The following ADIPOR2 variants were observed in gnomAD, a reference collection of about 807,000 sequenced individuals.
ADIPOR2 encodes adiponectin receptor protein 2.
Under a neutral mutation model 40.9 loss-of-function variants are expected in ADIPOR2, and 18 were observed. That is an observed-to-expected ratio of 0.44 (90% CI 0.30 to 0.65). ADIPOR2 has a LOEUF of 0.65. Among genes scored for constraint, ADIPOR2 ranks in the 30% least tolerant of loss-of-function variants. ADIPOR2 has a pLI of 0.09. For synonymous variants in ADIPOR2, 165 were observed against 166.4 expected, an observed-to-expected ratio of 0.99 and a Z score of 0.06; for missense variants, 283 against 479.2, an observed-to-expected ratio of 0.59 and a Z score of 3.82.
At chr12:1,743,501 G>A (rs1210972912) in intron 1 of ADIPOR2, among the ~76,000 whole-genome samples, 1 of 151,898 alleles carries the variant, frequency 6.6e-6, no homozygotes, top group Non-Finnish European at 1.5e-5. Context: ...TGAGACTCCA[G>A]TGCTACAAAA....
chr12:1,721,474 C>T (rs1171659760), intron 1 of ADIPOR2, among the ~76,000 whole-genome samples: 1 of 152,150 alleles, frequency 6.6e-6, no homozygotes, highest in East Asian at 1.9e-4. Context: ...CCTTGGCCTG[C>T]CACAGTGCTG....
At chr12:1,702,107 C>T (rs117579777) in intron 1 of ADIPOR2, among the ~76,000 whole-genome samples, 3,092 of 151,464 alleles carry the variant, frequency 0.02, 65 homozygotes, top group East Asian at 0.098. Context: ...GGGTGATGAG[C>T]GAAACTCCAT....
At chr12:1,739,553 A>G (rs902584001) in intron 1 of ADIPOR2, among the ~76,000 whole-genome samples, 1 of 152,254 alleles carries the variant, frequency 6.6e-6, no homozygotes, top group Admixed American at 6.5e-5. Context: ...TGGAAATCTC[A>G]GTGTTAATAA....
intron 1 of ADIPOR2, among the ~76,000 whole-genome samples, chr12:1,729,811 C>A (rs937178182): frequency 6.6e-6 from 1 of 151,908 alleles, no homozygotes; most frequent in Non-Finnish European, 1.5e-5. Flanking sequence ...TTTATGTAAT[C>A]AGTTCTTATT....
chr12:1,715,424 A>G (rs1319221500), intron 1 of ADIPOR2, among the ~76,000 whole-genome samples: 1 of 152,024 alleles, frequency 6.6e-6, no homozygotes, highest in African/African-American at 2.4e-5. Context: ...CTTAGGATGC[A>G]TTTCAAGGGT....
intron 1 of ADIPOR2, among the ~76,000 whole-genome samples, chr12:1,710,273 C>T (rs535171096): frequency 4.7e-4 from 71 of 152,284 alleles, no homozygotes; most frequent in Middle Eastern, 3.4e-3. Flanking sequence ...GCTGTGGAAG[C>T]TTTTTTCTTT....
At chr12:1,743,295 G>A (rs2094747504) in intron 1 of ADIPOR2, among the ~76,000 whole-genome samples, 1 of 40,264 alleles carries the variant, frequency 2.5e-5, no homozygotes, top group Non-Finnish European at 8.5e-5. Context: ...CTGGGTAACA[G>A]AGCGAGACGC....
chr12:1,769,098 G>A (rs567984252), intron 2 of ADIPOR2, among the ~76,000 whole-genome samples: 1 of 152,256 alleles, frequency 6.6e-6, no homozygotes, highest in Admixed American at 6.5e-5. Context: ...AGGTATCTTT[G>A]GGTACTGTGG....
chr12:1,722,408 T>C (rs1264503494), intron 1 of ADIPOR2, among the ~76,000 whole-genome samples: 3 of 152,128 alleles, frequency 2.0e-5, no homozygotes, highest in Non-Finnish European at 4.4e-5. Context: ...TCATACTTGG[T>C]GGTAGGTAAT....
intron 2 of ADIPOR2, 33 bp downstream of exon 2, chr12:1,754,547 A>G: frequency 6.4e-7 from 1 of 1,572,162 alleles, no homozygotes. Context: ...TAAACAAAGG[A>G]AAAAATGTGG....
At chr12:1,701,172 C>T (rs1185624725) in intron 1 of ADIPOR2, among the ~76,000 whole-genome samples, 1 of 149,786 alleles carries the variant, frequency 6.7e-6, no homozygotes, top group Admixed American at 6.7e-5. Context: ...CTCTGTCACC[C>T]AGGCTAGAGT....
chr12:1,782,305 A>G (rs187927813), intron 6 of ADIPOR2, among the ~76,000 whole-genome samples: 108 of 152,328 alleles, frequency 7.1e-4, no homozygotes, highest in Non-Finnish European at 6.9e-4. Context: ...ATATTGCTGT[A>G]TACCAGCAGT....
At chr12:1,740,062 G>A (rs1228066643) in intron 1 of ADIPOR2, among the ~76,000 whole-genome samples, 1 of 151,840 alleles carries the variant, frequency 6.6e-6, no homozygotes, top group Non-Finnish European at 1.5e-5. Context: ...AGATTGCATC[G>A]TTGTACTCCA....
At chr12:1,724,955 T>C (rs1387960964) in intron 1 of ADIPOR2, among the ~76,000 whole-genome samples, 1 of 152,138 alleles carries the variant, frequency 6.6e-6, no homozygotes. Context: ...TTAGGTATTA[T>C]ATATTATTCC....
At chr12:1,742,174 C>G (rs1211345635) in intron 1 of ADIPOR2, among the ~76,000 whole-genome samples, 1 of 152,214 alleles carries the variant, frequency 6.6e-6, no homozygotes, top group Non-Finnish European at 1.5e-5. Flanking sequence ...CTGCTTGCAG[C>G]TTTGAACTCT....
rs541952592 is a variant in ADIPOR2, at chr12:1,754,268, C to G, written c.-76C>G. 8.7e-6 allele frequency: 12 copies of G among 1,381,778 alleles called. No homozygotes were observed. The highest frequency in any genetic ancestry group is 3.8e-5 in the South Asian group (2 of 52,088). The allele number at this position is 1,381,778 out of a possible 1,614,324, so 85.6% of individuals were successfully genotyped here. The stretch of plus-strand genomic sequence containing the variant: ...CTTTCATCTTCTTAGGATCAACTCA[C>G]TATCCTGAAGGTCCATTCTCCCAAG... On this transcript the variant is annotated 5_prime_UTR_variant, in exon 2 of 8. Transcript: ENST00000357103.
intron 1 of ADIPOR2, among the ~76,000 whole-genome samples, chr12:1,738,880 A>T (rs1565643913): frequency 2.0e-5 from 3 of 152,218 alleles, no homozygotes; most frequent in African/African-American, 7.2e-5. Flanking sequence ...GAAAATGAGA[A>T]TTAACAGGAG....
chr12:1,704,496 G>T (rs531056435), intron 1 of ADIPOR2, among the ~76,000 whole-genome samples: 1 of 152,288 alleles, frequency 6.6e-6, no homozygotes, highest in African/African-American at 2.4e-5. Context: ...ACAGATTGCT[G>T]GTTTTTTGCA....
chr12:1,781,812 G>A (rs1457093845), intron 6 of ADIPOR2, among the ~76,000 whole-genome samples: 1 of 152,124 alleles, frequency 6.6e-6, no homozygotes, highest in Non-Finnish European at 1.5e-5. Flanking sequence ...GATCATCCGG[G>A]GGTACCTGGA....
Sources: gnomAD v4.1 joint callset for allele counts (sites outside exome capture counted in the v4.1 genomes callset) on GRCh38, gnomAD v4.1.1 for gene constraint, MANE v1.5 for transcripts, NCBI Gene and HGNC (gene_info 2026-07-23, HGNC 2026-07-21) for gene names.